PSME3IP1: variants seen among roughly 807,000 people sequenced by gnomAD.
The protein encoded by PSME3IP1 is proteasome activator subunit 3 interacting protein 1, also known as PSME3-interacting protein.
PSME3IP1 carries 13 observed loss-of-function variants against 34.1 expected under a neutral mutation model. The observed-to-expected ratio is 0.38, with a 90% CI of 0.25 to 0.61. The LOEUF is 0.61. Ranked by LOEUF, PSME3IP1 falls within the 20% of genes least tolerant of loss-of-function variation. The probability of loss-of-function intolerance (pLI) is 0.60; values close to 1 mark genes in which losing one functional copy is unlikely to be tolerated. For synonymous variants in PSME3IP1, 93 were observed against 114.3 expected, an observed-to-expected ratio of 0.81 and a Z score of 1.19; for missense variants, 237 against 301.4, an observed-to-expected ratio of 0.79 and a Z score of 1.58.
intron 1 of PSME3IP1, 153 bp from the exon 2 acceptor site, chr16:57,174,022 G>A (rs2072924584): frequency 2.6e-6 from 2 of 761,694 alleles, no homozygotes; most frequent in Non-Finnish European, 4.0e-6. Flanking sequence ...TCGGCCGGGT[G>A]CGGTGGCTCA....
At chr16:57,160,284 G>A (rs1446484401) in intron 6 of PSME3IP1, among the ~76,000 whole-genome samples, 1 of 147,534 alleles carries the variant, frequency 6.8e-6, no homozygotes, top group Non-Finnish European at 1.5e-5. Context: ...GCGACAGAGC[G>A]AGACTCCGTC....
intron 1 of PSME3IP1, among the ~76,000 whole-genome samples, chr16:57,184,562 C>A (rs2073998676): frequency 6.6e-6 from 1 of 152,122 alleles, no homozygotes; most frequent in Admixed American, 6.5e-5. Flanking sequence ...TAATGGTGAA[C>A]ACGTTGAAAA....
chr16:57,156,348 G>A (rs1269715771), intron 6 of PSME3IP1, among the ~76,000 whole-genome samples: 2 of 152,206 alleles, frequency 1.3e-5, no homozygotes, highest in South Asian at 2.1e-4. Context: ...TGCCTTAGAT[G>A]CACTAACACC....
chr16:57,173,790 T>C lies in PSME3IP1; in HGVS notation c.65A>G (p.Asp22Gly). The change falls in exon 2 of 7, where the codon GAT becomes GGT. Residue 22 changes from aspartate (D) to glycine (G), a missense_variant. Asp to Gly is a moderately conservative substitution (Grantham distance 94). Coordinates refer to ENST00000309137, the MANE Select transcript of PSME3IP1 (RefSeq NM_024946.4). Reference protein sequence around the residue: ...KKRFVSEAELDERRKRRQEEW... With the variant: ...KKRFVSEAELGERRKRRQEEW... Reference sequence around the variant, plus strand: ...TTCTTGCCTCCTTTTGCGCCGTTCATCTAGTTCTGCCTCAGACACAAACCT... The same window carrying C: ...TTCTTGCCTCCTTTTGCGCCGTTCACCTAGTTCTGCCTCAGACACAAACCT... The C allele has an allele frequency of 1.2e-6, 2 of 1,614,146 alleles. No homozygotes were observed. The highest frequency in any genetic ancestry group is 1.7e-6 in the Non-Finnish European group (2 of 1,180,020).
chr16:57,155,026 C>G (rs2070352637), intron 6 of PSME3IP1, among the ~76,000 whole-genome samples: 1 of 152,232 alleles, frequency 6.6e-6, no homozygotes, highest in African/African-American at 2.4e-5. Context: ...ACATTCTTTT[C>G]TTTTTAAACA....
intron 5 of PSME3IP1, among the ~76,000 whole-genome samples, chr16:57,164,945 C>T (rs568142506): frequency 2.0e-5 from 3 of 151,444 alleles, no homozygotes; most frequent in Admixed American, 6.6e-5. Context: ...GCATGAGAAT[C>T]GCTTGAACCC....
At chr16:57,183,781 C>A (rs1289652581) in intron 1 of PSME3IP1, among the ~76,000 whole-genome samples, 1 of 152,162 alleles carries the variant, frequency 6.6e-6, no homozygotes, top group African/African-American at 2.4e-5. Flanking sequence ...GTTTCAGTGC[C>A]TTTATGAGAT....
chr16:57,174,061 C>T (rs1269820909), intron 1 of PSME3IP1, 192 bp from the exon 2 acceptor site: 9 of 519,450 alleles, frequency 1.7e-5, no homozygotes, highest in East Asian at 7.5e-5. Context: ...TTTGGGAGGC[C>T]GAGGCGCATG....
chr16:57,172,510 T>G, intron 3 of PSME3IP1, 138 bp from the exon 4 acceptor site: 1 of 938,888 alleles, frequency 1.1e-6, no homozygotes, highest in Non-Finnish European at 1.6e-6. Context: ...GGCGTTTGAA[T>G]AGATAACAGG....
intron 1 of PSME3IP1, among the ~76,000 whole-genome samples, chr16:57,184,495 A>G (rs2073992823): frequency 6.6e-6 from 1 of 152,240 alleles, no homozygotes; most frequent in Non-Finnish European, 1.5e-5. Context: ...CATATTCTAT[A>G]GTAAAGAGTG....
At chr16:57,176,612 A>G (rs1427795058) in intron 1 of PSME3IP1, among the ~76,000 whole-genome samples, 13 of 152,182 alleles carry the variant, frequency 8.5e-5, no homozygotes, top group African/African-American at 3.1e-4. Context: ...AAAGAATCAA[A>G]TCTTTTCTAA....
intron 2 of PSME3IP1, 50 bp from the exon 3 acceptor site, chr16:57,172,924 C>T (rs1342929931): frequency 1.8e-6 from 2 of 1,134,832 alleles, no homozygotes; most frequent in African/African-American, 3.1e-5. Context: ...GAGATATACA[C>T]TTCAGATTGT....
intron 4 of PSME3IP1, among the ~76,000 whole-genome samples, chr16:57,171,952 C>T (rs2072633208): frequency 6.6e-6 from 1 of 152,144 alleles, no homozygotes; most frequent in African/African-American, 2.4e-5. Context: ...CAATTTCTCC[C>T]CTGGATGAAG....
intron 1 of PSME3IP1, among the ~76,000 whole-genome samples, chr16:57,182,587 C>A (rs1048365794): frequency 7.0e-4 from 80 of 113,834 alleles, no homozygotes; most frequent in South Asian, 8.7e-4. Flanking sequence ...CTTTGCATTA[C>A]AATAACCAGA....
intron 6 of PSME3IP1, among the ~76,000 whole-genome samples, chr16:57,159,658 C>T (rs2070992626): frequency 6.6e-6 from 1 of 152,144 alleles, no homozygotes; most frequent in Admixed American, 6.5e-5. Context: ...ACACTTCCTG[C>T]CTGGTTTCTG....
chr16:57,166,290 A>C (rs2071860694), intron 5 of PSME3IP1, among the ~76,000 whole-genome samples: 1 of 152,250 alleles, frequency 6.6e-6, no homozygotes, highest in African/African-American at 2.4e-5. Context: ...ACCAGATTCA[A>C]TCACTCTGAT....
rs1361562031 is a variant in PSME3IP1, at chr16:57,154,409, C to T, written c.646G>A (p.Gly216Ser). 2 of 1,613,918 alleles carry T rather than the reference C, an allele frequency of 1.2e-6. No individual in the cohort carries two copies. Among genetic ancestry groups the T allele is most frequent in the East Asian group, 4.5e-5 (2 of 44,856 alleles). ...AVCIGILPGL[G>S]AYSGSSDSES... Reference sequence around the variant, plus strand: ...GAGTCGCTGCTCCCAGAGTAGGCACCCAGGCCTGGGAGGATGCCGATACAT... The same window carrying T: ...GAGTCGCTGCTCCCAGAGTAGGCACTCAGGCCTGGGAGGATGCCGATACAT... The change falls in exon 7 of 7, where the codon GGT becomes AGT. Residue 216 changes from glycine (G) to serine (S), a missense_variant. Gly to Ser is a moderately conservative substitution (Grantham distance 56). Coordinates refer to ENST00000309137, the MANE Select transcript of PSME3IP1 (RefSeq NM_024946.4). The surrounding 1 kb of genome is among the most constrained non-coding windows in gnomAD (Gnocchi z 4.0).
rs1199625504 is a variant in PSME3IP1, at chr16:57,153,978, G to T, written c.*312C>A. On this transcript the variant is annotated 3_prime_UTR_variant, in exon 7 of 7. Transcript: ENST00000309137. Reference sequence around the variant, plus strand: ...CAATAAAACCCAAACCCTTTGGCAAGCCAGCCGGTGCCTATTCTCCTGGGG... The same window carrying T: ...CAATAAAACCCAAACCCTTTGGCAATCCAGCCGGTGCCTATTCTCCTGGGG... 2.9e-6 allele frequency: 1 copy of T among 340,982 alleles called. No homozygotes were observed. The highest frequency in any genetic ancestry group is 5.4e-6 in the Non-Finnish European group (1 of 185,062). 21.1% of individuals were successfully genotyped at this position (340,982 alleles called of 1,614,324 possible). A position where few individuals can be genotyped will look rare whatever the true frequency, so the allele number is the denominator to read the frequency against.
intron 1 of PSME3IP1, among the ~76,000 whole-genome samples, chr16:57,180,635 A>G (rs2073613770): frequency 6.6e-6 from 1 of 151,074 alleles, no homozygotes; most frequent in South Asian, 2.1e-4. Context: ...GGCCTGGTGC[A>G]CTAGCTCACA....
Sources: allele counts gnomAD v4.1 joint callset (sites outside exome capture counted in the v4.1 genomes callset), GRCh38; gene constraint gnomAD v4.1.1; non-coding constraint Gnocchi (gnomAD v3.1); transcripts MANE v1.5; gene names NCBI Gene and HGNC (gene_info 2026-07-23, HGNC 2026-07-21).